IPO7: variants seen among roughly 807,000 people sequenced by gnomAD.
IPO7 encodes the protein importin-7.
Under a neutral mutation model 136.4 loss-of-function variants are expected in IPO7, and 13 were observed. The ratio of observed to expected loss-of-function variants is 0.10; its 90% CI spans 0.06 to 0.15. IPO7 has a LOEUF of 0.15. Among genes scored for constraint, IPO7 ranks in the 10% least tolerant of loss-of-function variants. The pLI, the probability that IPO7 is intolerant of heterozygous loss-of-function variation, is 1.00. For missense variants in IPO7, 857 were observed against 1,240.6 expected, an observed-to-expected ratio of 0.69 and a Z score of 4.65; for synonymous variants, 403 against 404.4, an observed-to-expected ratio of 1.00 and a Z score of 0.04.
chr11:9,408,704 GTTTTTT>G (rs377057603), intron 3 of IPO7, 65 bp downstream of exon 3: 95 of 173,282 alleles, frequency 5.5e-4, no homozygotes, highest in African/African-American at 2.2e-3. Flanking sequence ...TTGTTTTTTG[GTTTTTT>G]TTTTTTTTTT....
chr11:9,440,476 A>T lies in IPO7; in HGVS notation c.2717A>T (p.Asp906Val). 1 of 1,613,702 alleles carries T rather than the reference A, an allele frequency of 6.2e-7. No individual in the cohort carries two copies. The change falls in exon 23 of 25, where the codon GAT becomes GTT. Residue 906 changes from aspartate (D) to valine (V), a missense_variant. By Grantham distance (152) the Asp-to-Val change is radical. This residue lies in a region of IPO7 where 119 missense variants were observed against 155.5 expected (regional missense o/e 0.77). Transcript: ENST00000379719. ...GCAGAGGAACTGGGGAGTGATGAAG[A>T]TGATATTGATGAAGATGGGCAAGAA... Reference protein sequence around the residue: ...DETEELGSDEDDIDEDGQEYL... With the variant: ...DETEELGSDEVDIDEDGQEYL...
At chr11:9,391,492 G>A (rs1854632527) in intron 1 of IPO7, among the ~76,000 whole-genome samples, 1 of 152,042 alleles carries the variant, frequency 6.6e-6, no homozygotes, top group Non-Finnish European at 1.5e-5. Context: ...TGGATCATGA[G>A]GTCAGGAGAT....
In IPO7 at chr11:9,408,704, GTTTTTTTTTT is replaced by G. The variant is rs377057603; in HGVS notation, c.320+82_320+91del. On this transcript the variant is annotated intron_variant, in intron 3 of 24. Coordinates refer to ENST00000379719, the MANE Select transcript of IPO7 (RefSeq NM_006391.3). Reference sequence around the variant, plus strand: ...AACTTTCAGGGTTTTTTGTTTTTTGGTTTTTTTTTTTTTTTTTTTTTTTTTTGAGATGGAC... The same window carrying G: ...AACTTTCAGGGTTTTTTGTTTTTTGGTTTTTTTTTTTTTTTTGAGATGGAC... 20 of 173,322 alleles carry G rather than the reference GTTTTTTTTTT, an allele frequency of 1.2e-4. No individual in the cohort carries two copies. In the South Asian group the frequency reaches 1.4e-3, roughly 12 times the overall value. The allele number at this position is 173,322 out of a possible 1,614,324, so 10.7% of individuals were successfully genotyped here.
intron 1 of IPO7, among the ~76,000 whole-genome samples, chr11:9,393,684 A>G (rs1854668385): frequency 6.6e-6 from 1 of 151,354 alleles, no homozygotes; most frequent in South Asian, 2.1e-4. Flanking sequence ...CACCAGGCCT[A>G]ATTTCCTTTT....
intron 14 of IPO7, among the ~76,000 whole-genome samples, 194 bp from the exon 15 acceptor site, chr11:9,429,480 G>A (rs1855262327): frequency 6.6e-6 from 1 of 151,454 alleles, no homozygotes; most frequent in African/African-American, 2.4e-5. Flanking sequence ...CTCCAGCCTG[G>A]GCAACAGATC....
chr11:9,439,646 G>C (rs1367982342), intron 22 of IPO7, among the ~76,000 whole-genome samples: 5 of 151,726 alleles, frequency 3.3e-5, no homozygotes, highest in Non-Finnish European at 7.4e-5. Context: ...GGCAATCTTG[G>C]CTCACTGCAA....
intron 24 of IPO7, 71 bp from the exon 25 acceptor site, chr11:9,445,026 A>C: frequency 1.1e-6 from 1 of 940,496 alleles, no homozygotes; most frequent in South Asian, 1.3e-5. Context: ...TGGCTTGTTT[A>C]ATGTTTTGTC....
chr11:9,423,180 ATAGAAATGACATC>A (rs1302115452), intron 9 of IPO7, 40 bp downstream of exon 9: 1 of 1,358,710 alleles, frequency 7.4e-7, no homozygotes. Context: ...AGTAAATATA[ATAGAAATGACATC>A]AATTGCCATA....
chr11:9,428,128 AG>A (rs1159754528), intron 12 of IPO7, among the ~76,000 whole-genome samples: 1 of 152,170 alleles, frequency 6.6e-6, no homozygotes, highest in Non-Finnish European at 1.5e-5. Flanking sequence ...TCAAAAAAAA[AG>A]AAAAAAAAAA....
intron 3 of IPO7, among the ~76,000 whole-genome samples, chr11:9,409,288 T>C (rs915184190): frequency 1.3e-5 from 2 of 152,024 alleles, no homozygotes; most frequent in African/African-American, 4.8e-5. Flanking sequence ...TTTGTATTTT[T>C]AGTAGAGACG....
At chr11:9,405,740 A>G (rs1854872898) in intron 2 of IPO7, among the ~76,000 whole-genome samples, 1 of 152,248 alleles carries the variant, frequency 6.6e-6, no homozygotes, top group East Asian at 1.9e-4. Context: ...CTTTAAAAGC[A>G]AACAATTTTA....
At position 9,446,829 on chromosome 11, in the gene IPO7, C is replaced by A. The variant is rs1381118189; in HGVS notation, c.*1635C>A. Reference sequence around the variant, plus strand: ...CACTGTTTGGTTTTCTATTTTAACACTGAAGGAGTGAAAGTATTTCCTATA... The same window carrying A: ...CACTGTTTGGTTTTCTATTTTAACAATGAAGGAGTGAAAGTATTTCCTATA... On this transcript the variant is annotated 3_prime_UTR_variant, in exon 25 of 25. Coordinates refer to ENST00000379719, the MANE Select transcript of IPO7 (RefSeq NM_006391.3). 6.6e-6 allele frequency: 1 copy of A among 152,116 alleles called. No individual in the cohort carries two copies. Among genetic ancestry groups the A allele is most frequent in the Non-Finnish European group, 1.5e-5 (1 of 68,032 alleles). 9.4% of individuals were successfully genotyped at this position (152,116 alleles called of 1,614,324 possible).
intron 1 of IPO7, among the ~76,000 whole-genome samples, chr11:9,390,462 G>C (rs1334009601): frequency 6.6e-6 from 1 of 151,990 alleles, no homozygotes; most frequent in African/African-American, 2.4e-5. Flanking sequence ...GTAAAATAAT[G>C]GCATATTTGT....
intron 1 of IPO7, among the ~76,000 whole-genome samples, chr11:9,391,584 G>A (rs1368521696): frequency 2.0e-5 from 3 of 151,988 alleles, no homozygotes; most frequent in African/African-American, 4.8e-5. Flanking sequence ...GTGGGTGCCT[G>A]TAGTTCCACC....
chr11:9,430,574 A>T (rs1590448520), intron 15 of IPO7: 1 of 249,886 alleles, frequency 4.0e-6, no homozygotes, highest in East Asian at 8.2e-5. Flanking sequence ...TATTAATGAA[A>T]ACTATTCATA....
In IPO7 at chr11:9,403,279, T is replaced by G; in HGVS notation, c.85-11T>G. On this transcript the variant is annotated splice_polypyrimidine_tract_variant and intron_variant, in intron 1 of 24. Transcript: ENST00000379719. Reference sequence around the variant, plus strand: ...TTGCAGAAGTTTAAAATGGACTTTTTTTCTTTGTAGGCACACAAGTCTCTG... The same window carrying G: ...TTGCAGAAGTTTAAAATGGACTTTTGTTCTTTGTAGGCACACAAGTCTCTG... 1 of 1,599,020 alleles carries G rather than the reference T, an allele frequency of 6.3e-7. No homozygotes were observed. Among genetic ancestry groups the G allele is most frequent in the Non-Finnish European group, 8.6e-7 (1 of 1,167,094 alleles).
chr11:9,438,060 T>TTG lies in IPO7; in HGVS notation c.2490-19_2490-18insGT, dbSNP rs1236209660. ...AAAGAAAACAGTTTTTTTTTTTTTT[T>TTG]TTTTTTTTTTTTTTTTTAGGCTTCA... On this transcript the variant is annotated intron_variant, in intron 21 of 24. Coordinates refer to ENST00000379719, the MANE Select transcript of IPO7 (RefSeq NM_006391.3). The TTG allele has an allele frequency of 3.9e-6, 2 of 516,484 alleles. No homozygotes were observed. The highest frequency in any genetic ancestry group is 5.5e-6 in the Non-Finnish European group (2 of 363,392). The allele number at this position is 516,484 out of a possible 1,614,324, so 32.0% of individuals were successfully genotyped here. A position where few individuals can be genotyped will look rare whatever the true frequency, so the allele number is the denominator to read the frequency against.
In IPO7 at chr11:9,428,789, A is replaced by G. The variant is rs373848828; in HGVS notation, c.1425+160A>G. The G allele has an allele frequency of 1.7e-5, 13 of 783,898 alleles. No individual in the cohort carries two copies. In the African/African-American group the frequency reaches 2.2e-4, roughly 13 times the overall value. 48.6% of individuals were successfully genotyped at this position (783,898 alleles called of 1,614,324 possible). On this transcript the variant is annotated intron_variant, in intron 13 of 24. Transcript: ENST00000379719. ...TACATGGCTGCTGTAATGTGTGCATAGGTTTCATCTGTGTCTGGTAGCAGT... is the reference window on the plus strand; with the variant it reads ...TACATGGCTGCTGTAATGTGTGCATGGGTTTCATCTGTGTCTGGTAGCAGT...
intron 10 of IPO7, among the ~76,000 whole-genome samples, chr11:9,424,566 A>G (rs1037596550): frequency 1.3e-5 from 2 of 152,150 alleles, no homozygotes; most frequent in Admixed American, 6.5e-5. Context: ...CAATATAGTG[A>G]AACCCCATCT....
Sources: gnomAD v4.1 joint callset for allele counts (sites outside exome capture counted in the v4.1 genomes callset) on GRCh38, gnomAD v4.1.1 for gene constraint, gnomAD v4.1.1 regional missense constraint, MANE v1.5 for transcripts, NCBI Gene and HGNC (gene_info 2026-07-23, HGNC 2026-07-21) for gene names.